Variants in NRXN1 observed in about 807,000 individuals in gnomAD.
The protein encoded by NRXN1 is neurexin-1.
NRXN1 carries 39 observed loss-of-function variants against 150.9 expected under a neutral mutation model. That is an observed-to-expected ratio of 0.26 (90% CI 0.20 to 0.34). The LOEUF is 0.34. Ranked by LOEUF, NRXN1 falls within the 10% of genes least tolerant of loss-of-function variation. The probability of loss-of-function intolerance (pLI) is 1.00; values close to 1 mark genes in which losing one functional copy is unlikely to be tolerated. For missense variants in NRXN1, 1,815 were observed against 1,949.9 expected, an observed-to-expected ratio of 0.93 and a Z score of 1.30; for synonymous variants, 924 against 757.0, an observed-to-expected ratio of 1.22 and a Z score of -3.62.
chr2:50,086,583 G>A (rs528988896), intron 19 of NRXN1, among the ~76,000 whole-genome samples: 5 of 152,118 alleles, frequency 3.3e-5, no homozygotes, highest in Admixed American at 3.3e-4. Context: ...AATCAAACTC[G>A]GCATTTTGAA....
At chr2:50,781,149 A>T (rs2105516104) in intron 5 of NRXN1, among the ~76,000 whole-genome samples, 2 of 152,332 alleles carry the variant, frequency 1.3e-5, no homozygotes, top group Middle Eastern at 6.8e-3. Flanking sequence ...GGAAATGCAA[A>T]GACAGCCATT....
chr2:50,257,705 G>A (rs958408789), intron 17 of NRXN1, among the ~76,000 whole-genome samples: 1 of 152,058 alleles, frequency 6.6e-6, no homozygotes, highest in Non-Finnish European at 1.5e-5. Context: ...AAAGAAAAGT[G>A]TAATGTATTA....
intron 17 of NRXN1, among the ~76,000 whole-genome samples, chr2:50,316,557 A>C (rs372772003): frequency 8.9e-4 from 136 of 152,208 alleles, no homozygotes; most frequent in African/African-American, 3.2e-3. Context: ...TAATATTTTT[A>C]CATAACAAGG....
chr2:50,627,199 G>A (rs1436594812), intron 5 of NRXN1, among the ~76,000 whole-genome samples: 1 of 151,644 alleles, frequency 6.6e-6, no homozygotes. Flanking sequence ...CAATCCCATG[G>A]GAATTTCACA....
At chr2:50,303,400 T>C (rs974956194) in intron 17 of NRXN1, among the ~76,000 whole-genome samples, 3 of 152,188 alleles carry the variant, frequency 2.0e-5, no homozygotes, top group Non-Finnish European at 4.4e-5. Flanking sequence ...GACAAATTAA[T>C]TGAAACTCAT....
At chr2:50,161,041 G>T (rs894133202) in intron 18 of NRXN1, among the ~76,000 whole-genome samples, 1 of 151,944 alleles carries the variant, frequency 6.6e-6, no homozygotes, top group Non-Finnish European at 1.5e-5. Context: ...GCATTTTAGG[G>T]GAACAATTAT....
rs996702271 is a variant in NRXN1, at chr2:51,010,764, G to A, written c.772+16738C>T. On this transcript the variant is annotated intron_variant, in intron 2 of 22. Transcript: ENST00000401669. The stretch of plus-strand genomic sequence containing the variant: ...GAGTGTCTACGTTGCCACACCTTTC[G>A]GCCAAAACTGGGTATGATGGTCTTT... 4.6e-5 allele frequency among the ~76,000 whole-genome samples: 7 copies of A among 150,902 alleles called. No individual in the cohort carries two copies. The East Asian group carries it at 5.9e-4, about 13-fold the overall frequency.
At chr2:50,492,495 T>C (rs2091309619) in intron 15 of NRXN1, among the ~76,000 whole-genome samples, 1 of 152,202 alleles carries the variant, frequency 6.6e-6, no homozygotes. Flanking sequence ...GTCCTGTTCC[T>C]ATAATGAAAC....
Position 50,538,506 on chromosome 2 carries a change from C to T in NRXN1, c.1890G>A (p.Glu630=), listed in dbSNP as rs2093318487. The T allele has an allele frequency of 5.6e-6, 9 of 1,607,976 alleles. No individual in the cohort carries two copies. Among genetic ancestry groups the T allele is most frequent in the Non-Finnish European group, 6.8e-6 (8 of 1,175,470 alleles). ...CATAGTTGAGCAGAGCAGTCCACAC[C>T]TCGGTGGGGAAGACAAGGCCAGCTT... ...ENKAGLVFPT[E]VWTALLNYGY... is the part of the protein sequence containing the mutation. Residue 630 remains glutamate (E), a synonymous_variant, in exon 10 of 23, where the codon GAG becomes GAA. Coordinates refer to ENST00000401669, the MANE Select transcript of NRXN1 (RefSeq NM_001330078.2).
At chr2:50,614,979 AATC>A (rs1354051732) in intron 8 of NRXN1, among the ~76,000 whole-genome samples, 4 of 152,190 alleles carry the variant, frequency 2.6e-5, no homozygotes, top group African/African-American at 9.6e-5. Context: ...TTCATTAAGG[AATC>A]AATCATTTTT....
intron 5 of NRXN1, among the ~76,000 whole-genome samples, chr2:50,841,438 C>T (rs2105929938): frequency 6.6e-6 from 1 of 152,294 alleles, no homozygotes; most frequent in African/African-American, 2.4e-5. Context: ...TCCTATCCTC[C>T]TCTGGAATCC....
At chr2:50,232,646 A>G (rs2065055613) in intron 18 of NRXN1, among the ~76,000 whole-genome samples, 1 of 151,796 alleles carries the variant, frequency 6.6e-6, no homozygotes, top group South Asian at 2.1e-4. Flanking sequence ...TGGCCTCCCA[A>G]AGTGCTAGGA....
chr2:50,963,361 C>A (rs1423108371), intron 2 of NRXN1, among the ~76,000 whole-genome samples: 1 of 151,592 alleles, frequency 6.6e-6, no homozygotes, highest in East Asian at 1.9e-4. Context: ...TTCTTTCTCC[C>A]TTTCACTTTC....
intron 18 of NRXN1, among the ~76,000 whole-genome samples, chr2:50,195,785 T>A (rs1241585544): frequency 2.6e-5 from 4 of 152,118 alleles, no homozygotes; most frequent in African/African-American, 4.8e-5. Flanking sequence ...ATGATCTAAC[T>A]TGCTCTTACT....
intron 17 of NRXN1, among the ~76,000 whole-genome samples, chr2:50,355,636 A>G (rs1001336175): frequency 2.6e-5 from 4 of 152,134 alleles, no homozygotes; most frequent in African/African-American, 9.7e-5. Context: ...TTCGTCTCTT[A>G]GTATTGCATT....
intron 5 of NRXN1, among the ~76,000 whole-genome samples, chr2:50,762,122 TAC>T (rs35059030): frequency 0.76 from 111,286 of 145,800 alleles, 42,286 homozygotes; most frequent in East Asian, 0.88. Flanking sequence ...TATATGTGTA[TAC>T]ACACACACAC....
At chr2:50,503,323 A>G (rs2092050260) in intron 13 of NRXN1, among the ~76,000 whole-genome samples, 2 of 152,012 alleles carry the variant, frequency 1.3e-5, no homozygotes, top group South Asian at 4.1e-4. Flanking sequence ...AACAAAAAAA[A>G]AAAGAAAGAA....
intron 18 of NRXN1, among the ~76,000 whole-genome samples, chr2:50,136,010 C>T (rs1706349106): frequency 6.6e-6 from 1 of 152,086 alleles, no homozygotes; most frequent in Non-Finnish European, 1.5e-5. Context: ...AGGGAATTGC[C>T]CTACTTTTCC....
chr2:49,974,138 T>A (rs566733315), intron 21 of NRXN1: 1 of 714,214 alleles, frequency 1.4e-6, no homozygotes, highest in Non-Finnish European at 2.6e-6. Context: ...AGATGATAAA[T>A]TGCCTGCGCA....
Sources: allele counts gnomAD v4.1 joint callset (sites outside exome capture counted in the v4.1 genomes callset), GRCh38; gene constraint gnomAD v4.1.1; transcripts MANE v1.5; gene names NCBI Gene and HGNC (gene_info 2026-07-23, HGNC 2026-07-21).